Variants in NEBL observed in about 807,000 individuals in gnomAD.
NEBL encodes LIM and SH3 protein 2.
In NEBL, 122 loss-of-function variants were observed where a neutral mutation model predicts 140.2. That is an observed-to-expected ratio of 0.87 (90% confidence interval 0.75 to 1.01). The LOEUF is 1.01. Ranked by LOEUF, NEBL falls within the 50% of genes least tolerant of loss-of-function variation. The pLI, the probability that NEBL is intolerant of heterozygous loss-of-function variation, is 0.00. For missense variants in NEBL, 1,365 were observed against 1,231.3 expected (o/e 1.11, Z -1.62); for synonymous variants, 436 against 398.9 (o/e 1.09, Z -1.11).
rs182457991 is a variant in NEBL, at chr10:20,985,788, G to A, written c.250-24009C>T. ...TAAAAAGGTAAGTGAAAGCTATAAC[G>A]AAAATTATGTTTTTAAAAAAAACCA... On this transcript the variant is annotated intron_variant, in intron 3 of 6. Transcript: ENST00000417816. 9.9e-4 allele frequency among the ~76,000 whole-genome samples: 150 copies of A among 152,066 alleles called. 1 individual carries two copies. Among genetic ancestry groups the A allele is most frequent in the Middle Eastern group, 6.8e-3 (2 of 294 alleles).
intron 3 of NEBL, among the ~76,000 whole-genome samples, chr10:21,232,318 G>T (rs1487015954): frequency 6.6e-6 from 1 of 152,126 alleles, no homozygotes; most frequent in Non-Finnish European, 1.5e-5. Context: ...AACCTTTTTG[G>T]CACCAGGGAC....
At chr10:21,218,066 C>G (rs1842020049) in intron 3 of NEBL, 1 of 152,572 alleles carries the variant, frequency 6.6e-6, no homozygotes, top group African/African-American at 2.4e-5. Context: ...AATTCTTTGG[C>G]CTCATGGATA....
intron 2 of NEBL, among the ~76,000 whole-genome samples, chr10:21,124,430 T>C (rs1441436815): frequency 6.6e-6 from 1 of 152,194 alleles, no homozygotes; most frequent in East Asian, 1.9e-4. Flanking sequence ...CCTGGGCCTT[T>C]TTTCCCTAGT....
In NEBL at chr10:20,831,515, A is replaced by G. The variant is rs1184309799; in HGVS notation, c.1518T>C (p.Leu506=). The G allele has an allele frequency of 1.9e-6, 3 of 1,612,266 alleles. No individual in the cohort carries two copies. The highest frequency in any genetic ancestry group is 2.5e-6 in the Non-Finnish European group (3 of 1,179,382). Reference sequence around the variant, plus strand: ...ATGCTTTCTTAGCTCTCTGGACATCAAGAGTGTCTGTGCTCACCTGCATCC... The same window carrying G: ...ATGCTTTCTTAGCTCTCTGGACATCGAGAGTGTCTGTGCTCACCTGCATCC... The part of the protein sequence containing the change: ...GKGMQVSTDT[L]DVQRAKKASE... Residue 506 remains leucine, a synonymous_variant, in exon 15 of 28, where the codon CTT becomes CTC. Coordinates refer to ENST00000377122, the MANE Select transcript of NEBL (RefSeq NM_006393.3).
rs907840642 is a variant in NEBL at position 21,039,074 on chromosome 10, T to G, written c.165-18873A>C. ...TTGATGGGGCTGTTTTTTTTTTTTT[T>G]TTTTTTTTTTTTGTAAATTTGTTTA... On this transcript the variant is annotated intron_variant, in intron 2 of 6. Transcript: ENST00000417816. Among the ~76,000 whole-genome samples the G allele has an allele frequency of 7.2e-3, 1,068 of 147,324 alleles. 35 individuals are homozygous for G. In the East Asian group the frequency reaches 0.086, roughly 12 times the overall value.
At chr10:21,215,775 C>T (rs1476768985) in intron 3 of NEBL, among the ~76,000 whole-genome samples, 4 of 152,194 alleles carry the variant, frequency 2.6e-5, no homozygotes, top group African/African-American at 9.7e-5. Context: ...ATCCTTCCAC[C>T]TCAGCCTCTT....
intron 2 of NEBL, among the ~76,000 whole-genome samples, chr10:21,158,523 A>T (rs577026166): frequency 6.6e-6 from 1 of 152,262 alleles, no homozygotes. Flanking sequence ...AAACCGAGGG[A>T]TGGTGAGGCA....
At chr10:21,137,634 A>C (rs1464270451) in intron 2 of NEBL, among the ~76,000 whole-genome samples, 2 of 152,114 alleles carry the variant, frequency 1.3e-5, no homozygotes, top group Non-Finnish European at 1.5e-5. Context: ...AACCTAAGCT[A>C]AGTGAAACTG....
chr10:20,854,953 G>A lies in NEBL; in HGVS notation c.904-2304C>T, dbSNP rs534715982. Among the ~76,000 whole-genome samples the A allele has an allele frequency of 5.3e-5, 8 of 151,972 alleles. No individual in the cohort carries two copies. In the East Asian group the frequency reaches 9.7e-4, roughly 18 times the overall value. On this transcript the variant is annotated intron_variant, in intron 9 of 27. Coordinates refer to ENST00000377122, the MANE Select transcript of NEBL (RefSeq NM_006393.3). The stretch of plus-strand genomic sequence containing the variant: ...AAAAAGCCTTTTTTTGGCTAGGCGC[G>A]GTGGCTCACACCTGTAATCCCAGCA...
upstream of NEBL, chr10:20,897,626 T>C: frequency 1.3e-6 from 1 of 775,770 alleles, no homozygotes; most frequent in Non-Finnish European, 1.6e-6. Flanking sequence ...AAGCCTGTTA[T>C]CTCAAAGATT....
intron 4 of NEBL, among the ~76,000 whole-genome samples, chr10:20,884,093 C>A (rs543431101): frequency 6.6e-6 from 1 of 152,102 alleles, no homozygotes; most frequent in Non-Finnish European, 1.5e-5. Flanking sequence ...AGACAGGAGT[C>A]CACTTGCAAT....
At chr10:20,988,926 A>C (rs1837355841) in intron 3 of NEBL, among the ~76,000 whole-genome samples, 1 of 152,254 alleles carries the variant, frequency 6.6e-6, no homozygotes, top group Admixed American at 6.5e-5. Flanking sequence ...ATCCCAGTCC[A>C]TAGAGAAGTG....
At chr10:21,064,151 A>T (rs1835428041) in intron 2 of NEBL, among the ~76,000 whole-genome samples, 3 of 152,238 alleles carry the variant, frequency 2.0e-5, no homozygotes, top group Admixed American at 6.5e-5. Flanking sequence ...TGTTGTTTAA[A>T]TAATCACAGC....
chr10:20,979,544 C>A (rs1007541005), intron 3 of NEBL, among the ~76,000 whole-genome samples: 82 of 152,120 alleles, frequency 5.4e-4, no homozygotes, highest in African/African-American at 2.0e-3. Flanking sequence ...AGAAAACATG[C>A]CACATTATTT....
chr10:21,059,480 C>T (rs1835181186), intron 2 of NEBL, among the ~76,000 whole-genome samples: 2 of 152,210 alleles, frequency 1.3e-5, no homozygotes, highest in East Asian at 3.8e-4. Context: ...ACTTCAAATA[C>T]TTTGTGACTA....
At chr10:21,231,308 G>A (rs538878955) in intron 3 of NEBL, among the ~76,000 whole-genome samples, 1 of 152,318 alleles carries the variant, frequency 6.6e-6, no homozygotes, top group South Asian at 2.1e-4. Context: ...GGGAGGCTGA[G>A]GTGGGCAGAT....
chr10:21,146,278 T>C (rs746118831), intron 2 of NEBL: 226 of 1,316,742 alleles, frequency 1.7e-4, no homozygotes, highest in Admixed American at 3.3e-4. Flanking sequence ...ATCATTTACA[T>C]CACCACGTGG....
At chr10:21,023,057 C>A (rs969273593) in intron 2 of NEBL, among the ~76,000 whole-genome samples, 5 of 152,156 alleles carry the variant, frequency 3.3e-5, no homozygotes, top group Admixed American at 2.6e-4. Flanking sequence ...TTTGCAAGTT[C>A]CAACTTGGGA....
intron 3 of NEBL, among the ~76,000 whole-genome samples, chr10:20,979,771 A>G (rs1354354939): frequency 6.6e-6 from 1 of 152,154 alleles, no homozygotes; most frequent in African/African-American, 2.4e-5. Context: ...CAGTGGTGCA[A>G]TCATGGCTCA....
Sources: gnomAD v4.1 joint callset for allele counts (sites outside exome capture counted in the v4.1 genomes callset) on GRCh38, gnomAD v4.1.1 for gene constraint, MANE v1.5 for transcripts, NCBI Gene and HGNC (gene_info 2026-07-23, HGNC 2026-07-21) for gene names.